Variants in MICALL2 observed in about 807,000 individuals in gnomAD.
MICALL2 encodes MICAL like 2, also known as MICAL-like protein 2.
MICALL2 carries 111 observed loss-of-function variants against 91.1 expected under a neutral mutation model. That is an observed-to-expected ratio of 1.22 (90% CI 1.04 to 1.43). MICALL2 has a LOEUF of 1.43. MICALL2 is among the 40% of genes most tolerant of loss of function. The pLI is 0.00. For synonymous variants in MICALL2, 694 were observed against 525.3 expected, an observed-to-expected ratio of 1.32 and a Z score of -4.39; for missense variants, 1,556 against 1,236.0, an observed-to-expected ratio of 1.26 and a Z score of -3.88.
chr7:1,445,330 G>A lies in MICALL2; in HGVS notation c.740C>T (p.Ser247Phe). 6.2e-7 allele frequency: 1 copy of A among 1,608,994 alleles called. No individual in the cohort carries two copies. The highest frequency in any genetic ancestry group is 8.5e-7 in the Non-Finnish European group (1 of 1,179,408). The change falls in exon 6 of 17, where the codon TCT (serine) becomes TTT (phenylalanine). Residue 247 changes from serine to phenylalanine, a missense_variant. Transcript: ENST00000297508. ...VCTSHLPAAA[S>F]ASPKLTGLVP... ...CAGACCCGTCAACTTGGGGCTTGCA[G>A]AGGCGGCTGCGGGGAGGTGGCTGGT...
At chr7:1,459,040 C>T in intron 1 of MICALL2, 144 bp downstream of exon 1, 1 of 819,610 alleles carries the variant, frequency 1.2e-6, no homozygotes. Context: ...TGAGGACAGC[C>T]TCGGGGGGCT....
At chr7:1,437,070 C>A in intron 14 of MICALL2, 4 of 493,262 alleles carry the variant, frequency 8.1e-6, no homozygotes, top group Non-Finnish European at 1.4e-5. Flanking sequence ...CCCATCATCT[C>A]GCAGAAACAC....
rs1781134861 is a variant in MICALL2 at position 1,459,424 on chromosome 7, T to A, written c.-98A>T. On this transcript the variant is annotated 5_prime_UTR_variant, in exon 1 of 17. Transcript: ENST00000297508. ...CCGGCGGGACAGACGCTGGGACCGC[T>A]ACGGAACCGCCAGACCCACGGCGCC... 1 of 1,185,912 alleles carries A rather than the reference T, an allele frequency of 8.4e-7. No individual in the cohort carries two copies. The highest frequency in any genetic ancestry group is 2.1e-5 in the South Asian group (1 of 48,290). The allele number at this position is 1,185,912 out of a possible 1,614,324, so 73.5% of individuals were successfully genotyped here.
rs1200383670 is a variant in MICALL2 at position 1,437,516 on chromosome 7, T to TAGCGCGC, written c.2476+18_2476+19insGCGCGCT. The TAGCGCGC allele has an allele frequency of 6.7e-7, 1 of 1,501,512 alleles. No homozygotes were observed. The highest frequency in any genetic ancestry group is 1.5e-5 in the African/African-American group (1 of 65,660). The allele number at this position is 1,501,512 out of a possible 1,614,324, so 93.0% of individuals were successfully genotyped here. On this transcript the variant is annotated intron_variant, in intron 14 of 16. Coordinates refer to ENST00000297508, the MANE Select transcript of MICALL2 (RefSeq NM_182924.4). ...GCATCCCTGGCTGGGGCCCCTTGGC[T>TAGCGCGC]GGCGCGCGGGGGACGCACCGGGCTT...
intron 9 of MICALL2, 190 bp downstream of exon 9, chr7:1,439,735 G>A (rs28572575): frequency 0.023 from 10,270 of 455,514 alleles, 899 homozygotes; most frequent in African/African-American, 0.19. Flanking sequence ...ATGAACACAT[G>A]CACACATGCA....
rs1779854325 is a variant in MICALL2 at position 1,434,411 on chromosome 7, T to TCCCTGCTGTCCACATGC, written c.*168_*184dup. 1 of 697,184 alleles carries TCCCTGCTGTCCACATGC rather than the reference T, an allele frequency of 1.4e-6. No individual in the cohort carries two copies. The highest frequency in any genetic ancestry group is 2.6e-6 in the Non-Finnish European group (1 of 381,538). 43.2% of individuals were successfully genotyped at this position (697,184 alleles called of 1,614,324 possible). A position where few individuals can be genotyped will look rare whatever the true frequency, so the allele number is the denominator to read the frequency against. The stretch of plus-strand genomic sequence containing the variant: ...TTGAGACCACAGACGGTAGCGCAGG[T>TCCCTGCTGTCCACATGC]CCCTGCTGTCCACATGCCCCTTGTA... On this transcript the variant is annotated 3_prime_UTR_variant, in exon 17 of 17. Coordinates refer to ENST00000297508, the MANE Select transcript of MICALL2 (RefSeq NM_182924.4).
rs748412801 is a variant in MICALL2, at chr7:1,436,781, C to A, written c.2552G>T (p.Arg851Leu). The change falls in exon 15 of 17, where the codon CGC becomes CTC. Residue 851 changes from arginine (R) to leucine (L), a missense_variant. Arg to Leu is a moderately radical substitution (Grantham distance 102, BLOSUM62 -2). Transcript: ENST00000297508. ...LEQYVSTVND[R>L]SDIVDSLDED... The stretch of plus-strand genomic sequence containing the variant: ...GTCCAGCGAGTCCACGATGTCACTG[C>A]GGTCGTTCACGGTGCTCACGTACTG... 6 of 1,608,378 alleles carry A rather than the reference C, an allele frequency of 3.7e-6. No homozygotes were observed. Among genetic ancestry groups the A allele is most frequent in the South Asian group, 3.3e-5 (3 of 90,770 alleles).
chr7:1,434,709 C>G, intron 16 of MICALL2, 37 bp from the exon 17 acceptor site: 2 of 1,517,762 alleles, frequency 1.3e-6, no homozygotes, highest in Non-Finnish European at 1.8e-6. Flanking sequence ...GTGCTCAACG[C>G]CGCAGCCGCA....
In MICALL2 at chr7:1,434,670, G is replaced by A; in HGVS notation, c.2641C>T (p.Leu881Phe). ...CGGAACTTGGACTTCTTCCTCTGGA[G>A]GCCTAGGGGACAGGTGGACAGTGAG... Reference protein sequence around the residue: ...MLRDMIEKLGLQRKKSKFRLS... With the variant: ...MLRDMIEKLGFQRKKSKFRLS... Residue 881 changes from leucine to phenylalanine, a missense_variant and splice_region_variant, in exon 17 of 17, where the codon CTC becomes TTC. Leu to Phe is a conservative substitution (Grantham distance 22). Transcript: ENST00000297508. 3 of 1,557,470 alleles carry A rather than the reference G, an allele frequency of 1.9e-6. No individual in the cohort carries two copies. Among genetic ancestry groups the A allele is most frequent in the South Asian group, 1.2e-5 (1 of 82,606 alleles).
At chr7:1,453,051 G>C (rs1161407206) in intron 1 of MICALL2, among the ~76,000 whole-genome samples, 1 of 151,808 alleles carries the variant, frequency 6.6e-6, no homozygotes, top group Admixed American at 6.6e-5. Flanking sequence ...GAGCAGCTGA[G>C]CTCAGGGGCC....
At position 1,444,772 on chromosome 7, in the gene MICALL2, G is replaced by C. The variant is rs757377592; in HGVS notation, c.1298C>G (p.Ser433Cys). 1.9e-6 allele frequency: 3 copies of C among 1,612,084 alleles called. No homozygotes were observed. Among genetic ancestry groups the C allele is most frequent in the Admixed American group, 3.3e-5 (2 of 59,986 alleles). Reference protein sequence around the residue: ...TSAVPPGTSLSGRGPTPSLVL... With the variant: ...TSAVPPGTSLCGRGPTPSLVL... The stretch of plus-strand genomic sequence containing the variant: ...AAGTGACGGGGTGGGACCTCTGCCA[G>C]AAAGGCTGGTGCCGGGGGGCACTGC... Residue 433 changes from serine to cysteine, a missense_variant, in exon 6 of 17, where the codon TCT becomes TGT. Ser to Cys is a moderately radical substitution (Grantham distance 112). Coordinates refer to ENST00000297508, the MANE Select transcript of MICALL2 (RefSeq NM_182924.4).
intron 3 of MICALL2, 59 bp downstream of exon 3, chr7:1,448,561 C>A: frequency 6.2e-7 from 1 of 1,601,970 alleles, no homozygotes; most frequent in South Asian, 1.1e-5. Context: ...GGCCTGGGAG[C>A]CAGGCCAAGG....
chr7:1,438,296 G>T lies in MICALL2; in HGVS notation c.2180C>A (p.Pro727Gln). The change falls in exon 11 of 17, where the codon CCA becomes CAA. Residue 727 changes from proline to glutamine, a missense_variant. Physicochemically the swap from Pro to Gln is moderately conservative, Grantham distance 76. Coordinates refer to ENST00000297508, the MANE Select transcript of MICALL2 (RefSeq NM_182924.4). ...CTCCCCACCACTACTCACCCTGACT[G>T]GGGAGGTCACCGTCTCGCCAGGCAG... ...PALPGETVTS[P>Q]VRLHPDYLSP... The T allele has an allele frequency of 6.2e-7, 1 of 1,600,382 alleles. No homozygotes were observed. The highest frequency in any genetic ancestry group is 2.3e-5 in the East Asian group (1 of 44,370).
intron 10 of MICALL2, 136 bp from the exon 11 acceptor site, chr7:1,438,489 A>G (rs1369908780): frequency 6.8e-7 from 1 of 1,474,420 alleles, no homozygotes; most frequent in Non-Finnish European, 9.0e-7. Context: ...CCACACGCCC[A>G]CTGGACTGCC....
chr7:1,443,131 G>A (rs1780389301), intron 6 of MICALL2, among the ~76,000 whole-genome samples: 1 of 125,276 alleles, frequency 8.0e-6, no homozygotes, highest in East Asian at 2.3e-4. Context: ...CCTTTACACT[G>A]GGCTCAGGTG....
In MICALL2 at chr7:1,445,362, G is replaced by C; in HGVS notation, c.708C>G (p.Phe236Leu). The C allele has an allele frequency of 1.9e-6, 3 of 1,592,070 alleles. No individual in the cohort carries two copies. Among genetic ancestry groups the C allele is most frequent in the Non-Finnish European group, 2.6e-6 (3 of 1,174,400 alleles). The part of the protein sequence containing the change: ...AYKATGEPGT[F>L]VCTSHLPAAA... ...CTGCGGGGAGGTGGCTGGTGCAGAC[G>C]AAGGTGCCCGGCTCTCCTGTGGCCT... Residue 236 changes from phenylalanine (F) to leucine (L), a missense_variant, in exon 6 of 17, where the codon TTC (phenylalanine) becomes TTG (leucine). Transcript: ENST00000297508.
chr7:1,436,910 C>G, intron 14 of MICALL2, 54 bp from the exon 15 acceptor site: 1 of 1,341,880 alleles, frequency 7.5e-7, no homozygotes, highest in Non-Finnish European at 1.0e-6. Flanking sequence ...ATGCCCCTCA[C>G]AGGACACAAT....
chr7:1,445,416 G>C lies in MICALL2; in HGVS notation c.654C>G (p.Cys218Trp), dbSNP rs1780528577. Residue 218 changes from cysteine to tryptophan, a missense_variant, in exon 6 of 17, where the codon TGC (cysteine) becomes TGG (tryptophan). Transcript: ENST00000297508. ...YHRSCFRCKQ[C>W]SCTLHSGAYK... ...AGGCCCCCGAGTGCAGCGTGCAGGA[G>C]CACTGCTTACACCTGGGGGAGGAAA... The C allele has an allele frequency of 6.5e-7, 1 of 1,546,370 alleles. No individual in the cohort carries two copies. The highest frequency in any genetic ancestry group is 1.4e-5 in the African/African-American group (1 of 73,464).
intron 5 of MICALL2, among the ~76,000 whole-genome samples, chr7:1,446,102 G>C (rs186078928): frequency 1.5e-4 from 21 of 136,154 alleles, no homozygotes; most frequent in African/African-American, 6.0e-4. Flanking sequence ...TGGGTGTCTG[G>C]GAACAGTAGA....
Sources: allele counts gnomAD v4.1 joint callset (sites outside exome capture counted in the v4.1 genomes callset), GRCh38; gene constraint gnomAD v4.1.1; transcripts MANE v1.5; gene names NCBI Gene and HGNC (gene_info 2026-07-23, HGNC 2026-07-21).